Variants in FGF2 observed in about 807,000 individuals in gnomAD.
FGF2 encodes basic fibroblast growth factor bFGF.
A neutral mutation model predicts 15.9 loss-of-function variants in FGF2; 13 were observed. The ratio of observed to expected loss-of-function variants is 0.82; its 90% CI spans 0.53 to 1.30. The LOEUF is 1.30. FGF2 is among the 50% of genes most tolerant of loss of function. The probability of loss-of-function intolerance (pLI) is 0.00; values close to 1 mark genes in which losing one functional copy is unlikely to be tolerated. For missense variants in FGF2, 163 were observed against 196.9 expected, an observed-to-expected ratio of 0.83 and a Z score of 1.03; for synonymous variants, 90 against 78.4, an observed-to-expected ratio of 1.15 and a Z score of -0.78.
chr4:122,891,424 C>CT (rs57602061), intron 2 of FGF2, among the ~76,000 whole-genome samples: 6,945 of 135,202 alleles, frequency 0.051, 224 homozygotes, highest in Non-Finnish European at 0.059. Flanking sequence ...GCCAGCTATC[C>CT]TTTTTTTTTT....
At chr4:122,866,958 C>G in intron 1 of FGF2, among the ~76,000 whole-genome samples, 1 of 152,196 alleles carries the variant, frequency 6.6e-6, no homozygotes, top group East Asian at 1.9e-4. Context: ...ATGAATGAAT[C>G]AAAGTCTAGC....
intron 1 of FGF2, among the ~76,000 whole-genome samples, chr4:122,856,161 T>G (rs1017142929): frequency 2.6e-5 from 4 of 152,214 alleles, no homozygotes; most frequent in African/African-American, 9.6e-5. Context: ...ATCATTGAAA[T>G]TTAGTATTAA....
At chr4:122,829,949 A>G (rs1229688506) in intron 1 of FGF2, among the ~76,000 whole-genome samples, 1 of 152,198 alleles carries the variant, frequency 6.6e-6, no homozygotes, top group Non-Finnish European at 1.5e-5. Flanking sequence ...AAACATGGAG[A>G]AGAGTTAATA....
At chr4:122,826,720 A>C, upstream of FGF2, 1 of 1,248,400 alleles carries the variant, frequency 8.0e-7, no homozygotes, top group Non-Finnish European at 1.0e-6. Context: ...GCCCCAGAAA[A>C]CCCGAGCGAG....
chr4:122,891,031 T>TTTTG (rs1727167259), intron 2 of FGF2, among the ~76,000 whole-genome samples: 7 of 138,540 alleles, frequency 5.1e-5, no homozygotes, highest in South Asian at 2.6e-4. Context: ...CTTTTTTTTT[T>TTTTG]TTTTGTTTTG....
At chr4:122,862,773 T>C (rs991983105) in intron 1 of FGF2, among the ~76,000 whole-genome samples, 1 of 152,246 alleles carries the variant, frequency 6.6e-6, no homozygotes, top group Non-Finnish European at 1.5e-5. Flanking sequence ...TTTGCTTTTA[T>C]GTTACAATAT....
Position 122,897,910 on chromosome 4 carries a change from G to A in FGF2, c.*5514G>A. On this transcript the variant is annotated 3_prime_UTR_variant, in exon 3 of 3. Coordinates refer to ENST00000644866, the MANE Select transcript of FGF2 (RefSeq NM_001361665.2). ...CTTTTCTCTTCAGGAAATATAAGTG[G>A]TTTTGTTTGGTTAACGTGATACATT... 2.0e-6 allele frequency: 1 copy of A among 500,404 alleles called. No homozygotes were observed. The highest frequency in any genetic ancestry group is 3.6e-6 in the Non-Finnish European group (1 of 278,232). 31.0% of individuals were successfully genotyped at this position (500,404 alleles called of 1,614,324 possible). A position where few individuals can be genotyped will look rare whatever the true frequency, so the allele number is the denominator to read the frequency against.
Position 122,892,502 on chromosome 4 carries a change from A to G in FGF2, c.*106A>G. Reference sequence around the variant, plus strand: ...TAAATGTGTATAGCTCAGTTTGGATAATTGGTCAAACAATTTTTTATCCAG... The same window carrying G: ...TAAATGTGTATAGCTCAGTTTGGATGATTGGTCAAACAATTTTTTATCCAG... On this transcript the variant is annotated 3_prime_UTR_variant, in exon 3 of 3. Coordinates refer to ENST00000644866, the MANE Select transcript of FGF2 (RefSeq NM_001361665.2). 1.3e-6 allele frequency: 2 copies of G among 1,549,736 alleles called. No homozygotes were observed. Among genetic ancestry groups the G allele is most frequent in the Non-Finnish European group, 1.7e-6 (2 of 1,148,892 alleles).
Position 122,893,275 on chromosome 4 carries a change from A to T in FGF2, c.*879A>T, listed in dbSNP as rs755616712. 8 of 1,500,854 alleles carry T rather than the reference A, an allele frequency of 5.3e-6. No individual in the cohort carries two copies. In the East Asian group the frequency reaches 1.8e-4, roughly 34 times the overall value. The allele number at this position is 1,500,854 out of a possible 1,614,324, so 93.0% of individuals were successfully genotyped here. A position where few individuals can be genotyped will look rare whatever the true frequency, so the allele number is the denominator to read the frequency against. On this transcript the variant is annotated 3_prime_UTR_variant, in exon 3 of 3. Coordinates refer to ENST00000644866, the MANE Select transcript of FGF2 (RefSeq NM_001361665.2). ...ATCAATAATAATTACACTTTTAGAA[A>T]CTGTATCATCAAAGATTTTCAGTTA... is the stretch of plus-strand genomic sequence containing the variant.
intron 1 of FGF2, among the ~76,000 whole-genome samples, chr4:122,844,608 TTCCTTCCTTTCTTTCTTC>T (rs1726069702): frequency 6.7e-6 from 1 of 150,198 alleles, no homozygotes; most frequent in Non-Finnish European, 1.5e-5. Flanking sequence ...CCTTCCTTCC[TTCCTTCCTTTCTTTCTTC>T]CTTTCTTCCT....
intron 1 of FGF2, among the ~76,000 whole-genome samples, chr4:122,841,009 A>G (rs1356737056): frequency 6.6e-6 from 1 of 152,214 alleles, no homozygotes; most frequent in Non-Finnish European, 1.5e-5. Flanking sequence ...AAAGAAGATA[A>G]CAGAGTAAGT....
rs1379538732 is a variant in FGF2 at position 122,895,270 on chromosome 4, T to A, written c.*2874T>A. On this transcript the variant is annotated 3_prime_UTR_variant, in exon 3 of 3. Coordinates refer to ENST00000644866, the MANE Select transcript of FGF2 (RefSeq NM_001361665.2). ...TAAGCCAAACTGAAATAACATTTGC[T>A]GTTTTATAGGTTTGAAGAACATAGG... 6.6e-6 allele frequency: 1 copy of A among 152,248 alleles called. No individual in the cohort carries two copies. The highest frequency in any genetic ancestry group is 1.5e-5 in the Non-Finnish European group (1 of 68,042). The allele number at this position is 152,248 out of a possible 1,614,324, so 9.4% of individuals were successfully genotyped here.
At chr4:122,835,928 CT>C (rs962671032) in intron 1 of FGF2, among the ~76,000 whole-genome samples, 82 of 152,300 alleles carry the variant, frequency 5.4e-4, no homozygotes, top group African/African-American at 2.0e-3. Context: ...AAAAATCCTT[CT>C]TTTTCTTATC....
chr4:122,844,614 C>CCTTCCTTCCTTT (rs1184015265), intron 1 of FGF2, among the ~76,000 whole-genome samples: 1 of 138,778 alleles, frequency 7.2e-6, no homozygotes, highest in African/African-American at 2.7e-5. Flanking sequence ...TTCCTTCCTT[C>CCTTCCTTCCTTT]CTTTCTTTCT....
In FGF2 at chr4:122,893,294, T is replaced by A. The variant is rs1727247266; in HGVS notation, c.*898T>A. On this transcript the variant is annotated 3_prime_UTR_variant, in exon 3 of 3. Coordinates refer to ENST00000644866, the MANE Select transcript of FGF2 (RefSeq NM_001361665.2). ...TTAGAAACTGTATCATCAAAGATTT[T>A]CAGTTAAAGTAGCATTATGTAAAGG... is the stretch of plus-strand genomic sequence containing the variant. 4 of 1,429,854 alleles carry A rather than the reference T, an allele frequency of 2.8e-6. No homozygotes were observed. The South Asian group carries it at 4.3e-5, about 15-fold the overall frequency. 88.6% of individuals were successfully genotyped at this position (1,429,854 alleles called of 1,614,324 possible). A position where few individuals can be genotyped will look rare whatever the true frequency, so the allele number is the denominator to read the frequency against.
At chr4:122,849,467 G>A (rs1309180162) in intron 1 of FGF2, among the ~76,000 whole-genome samples, 1 of 152,128 alleles carries the variant, frequency 6.6e-6, no homozygotes, top group East Asian at 1.9e-4. Flanking sequence ...GGGGGGCTAG[G>A]GGAGGGATAG....
intron 2 of FGF2, among the ~76,000 whole-genome samples, chr4:122,880,857 C>T (rs1290180114): frequency 6.6e-6 from 1 of 152,218 alleles, no homozygotes; most frequent in Non-Finnish European, 1.5e-5. Context: ...CCCCACATTT[C>T]CCTTCTGCAC....
rs1266920966 is a variant in FGF2, at chr4:122,827,797, G to T, written c.178+445G>T. Among the ~76,000 whole-genome samples the T allele has an allele frequency of 6.6e-6, 1 of 152,150 alleles. No individual in the cohort carries two copies. The highest frequency in any genetic ancestry group is 1.5e-5 in the Non-Finnish European group (1 of 68,022). ...TGGAAAAACACCTTTCTAGAGTCCT[G>T]CCCTTAAATTCCGACTCGGGACGAC... is the stretch of plus-strand genomic sequence containing the variant. On this transcript the variant is annotated intron_variant, in intron 1 of 2. Coordinates refer to ENST00000644866, the MANE Select transcript of FGF2 (RefSeq NM_001361665.2). This position sits in a 1 kb window ranked among gnomAD's most constrained non-coding sequence, Gnocchi z 4.2.
Position 122,896,670 on chromosome 4 carries a change from A to G in FGF2, c.*4274A>G, listed in dbSNP as rs1014080476. 3.9e-5 allele frequency: 6 copies of G among 152,192 alleles called. No individual in the cohort carries two copies. The highest frequency in any genetic ancestry group is 1.4e-4 in the African/African-American group (6 of 41,446). The allele number at this position is 152,192 out of a possible 1,614,324, so 9.4% of individuals were successfully genotyped here. A position where few individuals can be genotyped will look rare whatever the true frequency, so the allele number is the denominator to read the frequency against. On this transcript the variant is annotated 3_prime_UTR_variant, in exon 3 of 3. Transcript: ENST00000644866. ...TTGGCTAGAGATATATCTTAATGCA[A>G]TCCATTTTCTGATGGATTGTTACGA... is the stretch of plus-strand genomic sequence containing the variant.
Sources: allele counts gnomAD v4.1 joint callset (sites outside exome capture counted in the v4.1 genomes callset), GRCh38; gene constraint gnomAD v4.1.1; non-coding constraint Gnocchi (gnomAD v3.1); transcripts MANE v1.5; gene names NCBI Gene and HGNC (gene_info 2026-07-23, HGNC 2026-07-21).